The following MAST4 variants were observed in gnomAD, a reference collection of about 807,000 sequenced individuals.
MAST4 encodes the protein microtubule-associated serine/threonine-protein kinase 4.
MAST4 carries 89 observed loss-of-function variants against 162.7 expected under a neutral mutation model. The observed-to-expected ratio is 0.55, with a 90% CI of 0.46 to 0.65. MAST4 has a LOEUF of 0.65. Ranked by LOEUF, MAST4 falls within the 30% of genes least tolerant of loss-of-function variation. MAST4 has a pLI of 0.00. For missense variants in MAST4, 3,153 were observed against 3,374.0 expected (o/e 0.93, Z 1.62); for synonymous variants, 1,479 against 1,361.1 (o/e 1.09, Z -1.91).
chr5:67,148,540 G>A (rs192524291), intron 23 of MAST4, among the ~76,000 whole-genome samples: 2 of 152,044 alleles, frequency 1.3e-5, no homozygotes, highest in Non-Finnish European at 2.9e-5. Flanking sequence ...CTTACGCTCC[G>A]TTGTTGAGGG....
At chr5:66,791,434 G>A (rs1003910736) in intron 3 of MAST4, among the ~76,000 whole-genome samples, 1 of 152,220 alleles carries the variant, frequency 6.6e-6, no homozygotes, top group Non-Finnish European at 1.5e-5. Flanking sequence ...TATTTGGGAA[G>A]AGGTTGCAGT....
chr5:66,942,161 G>T (rs1232227976), intron 4 of MAST4, among the ~76,000 whole-genome samples: 1 of 152,064 alleles, frequency 6.6e-6, no homozygotes, highest in African/African-American at 2.4e-5. Context: ...TCTATGCAGG[G>T]TTACCATACA....
At chr5:67,138,060 T>A (rs1305872597) in intron 19 of MAST4, among the ~76,000 whole-genome samples, 1 of 152,182 alleles carries the variant, frequency 6.6e-6, no homozygotes, top group Non-Finnish European at 1.5e-5. Flanking sequence ...TAAATTGAGG[T>A]TGAGAGCATA....
chr5:66,824,818 A>G lies in MAST4; in HGVS notation c.642+36024A>G, dbSNP rs1757164754. On this transcript the variant is annotated intron_variant, in intron 3 of 28. Coordinates refer to ENST00000403625, the MANE Select transcript of MAST4 (RefSeq NM_001164664.2). ...TGAATACGTAGTCATTTGCAACACA[A>G]TGGCAAGTATTTGTGTATCTAAACA... is the stretch of plus-strand genomic sequence containing the variant. Among the ~76,000 whole-genome samples the G allele has an allele frequency of 3.9e-5, 6 of 152,220 alleles. No individual in the cohort carries two copies. The South Asian group carries it at 1.2e-3, about 32-fold the overall frequency.
rs1769008079 is a variant in MAST4, at chr5:67,131,828, C to T, written c.1970C>T (p.Thr657Ile). 6.2e-7 allele frequency: 1 copy of T among 1,612,938 alleles called. No individual in the cohort carries two copies. The highest frequency in any genetic ancestry group is 1.1e-5 in the South Asian group (1 of 91,060). ...MEYVEGGDCATLMKNMGPLPV... is the reference protein window; with the variant it reads ...MEYVEGGDCAILMKNMGPLPV... ...TGTGTTACAGGGGGAGACTGTGCTA[C>T]TTTAATGAAAAACATGGGTCCTCTC... Residue 657 changes from threonine (T) to isoleucine (I), a missense_variant, in exon 16 of 29, where the codon ACT (threonine) becomes ATT (isoleucine). By Grantham distance (89) the Thr-to-Ile change is moderately conservative. Transcript: ENST00000403625.
intron 4 of MAST4, among the ~76,000 whole-genome samples, chr5:66,924,286 T>C (rs1419401041): frequency 6.6e-6 from 1 of 152,188 alleles, no homozygotes; most frequent in East Asian, 1.9e-4. Context: ...CCAGTAATTA[T>C]TTTGGAGAAT....
chr5:67,142,249 A>G lies in MAST4; in HGVS notation c.2617+12A>G, dbSNP rs1770483709. On this transcript the variant is annotated intron_variant, in intron 20 of 28. Transcript: ENST00000403625. Reference sequence around the variant, plus strand: ...AAGTTATTTTGATAGTATGTGCTTTATCTGACATAAAACATTGTTTGGCCT... The same window carrying G: ...AAGTTATTTTGATAGTATGTGCTTTGTCTGACATAAAACATTGTTTGGCCT... 1.2e-6 allele frequency: 2 copies of G among 1,612,878 alleles called. No individual in the cohort carries two copies. The highest frequency in any genetic ancestry group is 1.7e-6 in the Non-Finnish European group (2 of 1,179,300).
chr5:66,984,607 G>T (rs145990518), intron 4 of MAST4, among the ~76,000 whole-genome samples: 117 of 152,178 alleles, frequency 7.7e-4, no homozygotes, highest in African/African-American at 2.6e-3. Context: ...CTGTGTAGAG[G>T]GTGGATAGAG....
At chr5:67,161,944 A>G (rs1773225612) in intron 27 of MAST4, among the ~76,000 whole-genome samples, 1 of 152,172 alleles carries the variant, frequency 6.6e-6, no homozygotes, top group South Asian at 2.1e-4. Flanking sequence ...ATGCCCTGCT[A>G]AGGTGTCAGA....
At chr5:67,007,177 C>T (rs1004108487) in intron 4 of MAST4, among the ~76,000 whole-genome samples, 1 of 152,152 alleles carries the variant, frequency 6.6e-6, no homozygotes, top group East Asian at 1.9e-4. Context: ...GGCTCCATGT[C>T]CTTCCCTAAG....
intron 4 of MAST4, among the ~76,000 whole-genome samples, chr5:66,940,471 C>T (rs992399368): frequency 6.6e-6 from 1 of 152,098 alleles, no homozygotes; most frequent in South Asian, 2.1e-4. Flanking sequence ...TATTCTAAAT[C>T]CTTTGGTTTT....
intron 6 of MAST4, 146 bp downstream of exon 6, chr5:67,090,377 GCCCCTCCCCACTTCCCCTTCTC>G: frequency 6.5e-6 from 2 of 306,610 alleles, no homozygotes; most frequent in Non-Finnish European, 5.9e-6. Flanking sequence ...TTCCCCTTCT[GCCCCTCCCCACTTCCCCTTCTC>G]CCCCTCCCCA....
intron 2 of MAST4, among the ~76,000 whole-genome samples, chr5:66,780,827 T>C (rs1258343135): frequency 1.3e-5 from 2 of 152,132 alleles, no homozygotes; most frequent in East Asian, 3.9e-4. Context: ...TTTTACAGAG[T>C]GCGGATTGGC....
intron 3 of MAST4, among the ~76,000 whole-genome samples, chr5:66,819,710 T>G (rs1409790278): frequency 1.3e-5 from 2 of 151,842 alleles, no homozygotes; most frequent in East Asian, 1.9e-4. Context: ...TTTGTTTTTT[T>G]GGGGGGGAAG....
At chr5:66,831,696 C>T (rs1311058589) in intron 3 of MAST4, among the ~76,000 whole-genome samples, 1 of 152,160 alleles carries the variant, frequency 6.6e-6, no homozygotes, top group Non-Finnish European at 1.5e-5. Flanking sequence ...GGACTGTATT[C>T]ATATTTCCAG....
At chr5:67,092,176 T>C (rs1763937653) in intron 6 of MAST4, among the ~76,000 whole-genome samples, 1 of 152,238 alleles carries the variant, frequency 6.6e-6, no homozygotes, top group Admixed American at 6.5e-5. Context: ...TCCCACATTT[T>C]ATTGTTTTGT....
intron 3 of MAST4, among the ~76,000 whole-genome samples, chr5:66,814,155 A>C (rs1269608006): frequency 6.6e-6 from 1 of 152,166 alleles, no homozygotes; most frequent in Admixed American, 6.5e-5. Context: ...GGAAGGAGAT[A>C]TTTTTCAGTT....
chr5:66,998,158 G>A (rs533358235), intron 4 of MAST4, among the ~76,000 whole-genome samples: 1 of 152,244 alleles, frequency 6.6e-6, no homozygotes, highest in South Asian at 2.1e-4. Flanking sequence ...CTACGAAAGG[G>A]CTAAATATAA....
chr5:67,094,176 C>T (rs778281518), intron 6 of MAST4: 1 of 1,489,472 alleles, frequency 6.7e-7, no homozygotes, highest in Non-Finnish European at 9.2e-7. Context: ...GTAAATTTTA[C>T]TAAAATCTTA....
Sources: allele counts gnomAD v4.1 joint callset (sites outside exome capture counted in the v4.1 genomes callset), GRCh38; gene constraint gnomAD v4.1.1; transcripts MANE v1.5; gene names NCBI Gene and HGNC (gene_info 2026-07-23, HGNC 2026-07-21).